PKNOX2: variants seen among roughly 807,000 people sequenced by gnomAD.
The protein encoded by PKNOX2 is homeobox protein PKNOX2.
PKNOX2 carries 14 observed loss-of-function variants against 53.1 expected under a neutral mutation model. The ratio of observed to expected loss-of-function variants is 0.26; its 90% CI spans 0.17 to 0.41. PKNOX2 has a LOEUF of 0.41. Among genes scored for constraint, PKNOX2 ranks in the 10% least tolerant of loss-of-function variants. The pLI is 1.00. For synonymous variants in PKNOX2, 257 were observed against 242.8 expected (o/e 1.06, Z -0.54); for missense variants, 496 against 602.8 (o/e 0.82, Z 1.85).
intron 1 of PKNOX2, among the ~76,000 whole-genome samples, chr11:125,192,108 G>C (rs1454822741): frequency 6.6e-6 from 1 of 152,128 alleles, no homozygotes; most frequent in Non-Finnish European, 1.5e-5. Context: ...TTGCGGCAGG[G>C]GGAGGGCTGA....
Position 125,274,903 on chromosome 11 carries a change from G to A in PKNOX2, c.-130+39788G>A, listed in dbSNP as rs1181021732. Among the ~76,000 whole-genome samples the A allele has an allele frequency of 5.9e-5, 9 of 152,334 alleles. No homozygotes were observed. In the East Asian group the frequency reaches 1.5e-3, roughly 26 times the overall value. On this transcript the variant is annotated intron_variant, in intron 2 of 12. Coordinates refer to ENST00000298282, the MANE Select transcript of PKNOX2 (RefSeq NM_001382323.2). ...TGCTGATTATGAGCCTGGTGTGGCA[G>A]CAGGCCCAGTCCCGGGGTGCAGAGA... is the stretch of plus-strand genomic sequence containing the variant.
rs577161815 is a variant in PKNOX2 at position 125,275,776 on chromosome 11, C to T, written c.-130+40661C>T. Among the ~76,000 whole-genome samples the T allele has an allele frequency of 1.1e-4, 17 of 152,276 alleles. No homozygotes were observed. In the South Asian group the frequency reaches 3.5e-3, roughly 32 times the overall value. On this transcript the variant is annotated intron_variant, in intron 2 of 12. Coordinates refer to ENST00000298282, the MANE Select transcript of PKNOX2 (RefSeq NM_001382323.2). ...GAAATTAAGAGATCTGTTTTGAATA[C>T]GCCAAGCTCAGGATGCCTTTGAGAC...
chr11:125,203,890 T>C (rs926894673), intron 1 of PKNOX2, among the ~76,000 whole-genome samples: 1 of 152,148 alleles, frequency 6.6e-6, no homozygotes, highest in Non-Finnish European at 1.5e-5. Context: ...GGGAGTCTTG[T>C]GTTAGCTCAT....
In PKNOX2 at chr11:125,431,195, C is replaced by T. The variant is rs781166572; in HGVS notation, c.1222C>T (p.Leu408=). ...GSINLDNLQS[L]SSDSATMAMQ... ...CATCAACTTGGACAACCTGCAGTCC[C>T]TGTCCTCAGACAGTGCCACCATGGC... The change falls in exon 13 of 13, where the codon CTG becomes TTG. Residue 408 remains leucine, a synonymous_variant. Transcript: ENST00000298282. 1.2e-5 allele frequency: 19 copies of T among 1,613,650 alleles called. No homozygotes were observed. In the East Asian group the frequency reaches 3.8e-4, roughly 32 times the overall value.
At chr11:125,266,545 T>G (rs1316314557) in intron 2 of PKNOX2, 1 of 152,200 alleles carries the variant, frequency 6.6e-6, no homozygotes, top group Non-Finnish European at 1.5e-5. Flanking sequence ...GAAAATAACT[T>G]TTTAAAAATA....
intron 3 of PKNOX2, among the ~76,000 whole-genome samples, chr11:125,336,413 A>G (rs1950433074): frequency 1.3e-5 from 2 of 151,720 alleles, no homozygotes; most frequent in Non-Finnish European, 2.9e-5. Context: ...CTTCCCCTCC[A>G]ATTTGTATTA....
chr11:125,212,292 G>A (rs1051680262), intron 1 of PKNOX2, among the ~76,000 whole-genome samples: 1 of 151,992 alleles, frequency 6.6e-6, no homozygotes, highest in African/African-American at 2.4e-5. Context: ...TTCTGGAGCT[G>A]GTAATGGTGG....
At chr11:125,233,420 C>T (rs1303741219) in intron 1 of PKNOX2, among the ~76,000 whole-genome samples, 1 of 152,174 alleles carries the variant, frequency 6.6e-6, no homozygotes, top group Non-Finnish European at 1.5e-5. Context: ...CCATTGCCAG[C>T]CAAGGGTTGG....
intron 1 of PKNOX2, among the ~76,000 whole-genome samples, chr11:125,186,245 G>A (rs1025775415): frequency 2.0e-4 from 31 of 152,092 alleles, no homozygotes; most frequent in African/African-American, 7.2e-4. Flanking sequence ...GGTTGTTTAT[G>A]TTTTTGTTGT....
chr11:125,316,390 T>A (rs1012564900), intron 2 of PKNOX2, among the ~76,000 whole-genome samples: 1 of 152,192 alleles, frequency 6.6e-6, no homozygotes, highest in Non-Finnish European at 1.5e-5. Flanking sequence ...AAAGAGGAAT[T>A]TAATCCCTAG....
At position 125,370,994 on chromosome 11, in the gene PKNOX2, G is replaced by A. The variant is rs1044505807; in HGVS notation, c.227+3009G>A. Among the ~76,000 whole-genome samples, 1 of 152,318 alleles carries A rather than the reference G, an allele frequency of 6.6e-6. No individual in the cohort carries two copies. The highest frequency in any genetic ancestry group is 1.5e-5 in the Non-Finnish European group (1 of 68,030). On this transcript the variant is annotated intron_variant, in intron 5 of 12. Transcript: ENST00000298282. The surrounding 1 kb of genome is among the most constrained non-coding windows in gnomAD (Gnocchi z 4.1). ...TAGGACACTGCTCGGTGGCAGAGGG[G>A]CAGTGTGACAAAGGGGAGGGAGCCT...
At chr11:125,164,816 AGGCGGCGGCGGCGGCGC>A (rs933530463) in intron 1 of PKNOX2, 40 bp downstream of exon 1, 10 of 179,196 alleles carry the variant, frequency 5.6e-5, no homozygotes, top group Admixed American at 1.9e-4. Context: ...ACGCTTTTGC[AGGCGGCGGCGGCGGCGC>A]GGCGGCGGCT....
chr11:125,390,638 G>A (rs1953993402), intron 6 of PKNOX2, among the ~76,000 whole-genome samples: 1 of 152,222 alleles, frequency 6.6e-6, no homozygotes, highest in Admixed American at 6.5e-5. Context: ...TGAAGTAGTT[G>A]TTATTATCCC....
intron 2 of PKNOX2, among the ~76,000 whole-genome samples, chr11:125,325,704 T>C (rs2136083861): frequency 6.6e-6 from 1 of 152,292 alleles, no homozygotes; most frequent in African/African-American, 2.4e-5. Flanking sequence ...CCAGGAAGCA[T>C]CCTGTGAGTT....
rs77927385 is a variant in PKNOX2 at position 125,326,236 on chromosome 11, C to A, written c.-129-5583C>A. On this transcript the variant is annotated intron_variant, in intron 2 of 12. Transcript: ENST00000298282. ...AGGGTCAGTAATAGGGTGAGGAGGG[C>A]AAGAGGCTGAGTTCATTCGGCTGCA... is the stretch of plus-strand genomic sequence containing the variant. 3.5e-4 allele frequency among the ~76,000 whole-genome samples: 54 copies of A among 152,274 alleles called. No homozygotes were observed. The East Asian group carries it at 9.1e-3, about 26-fold the overall frequency.
At chr11:125,398,173 G>T in intron 7 of PKNOX2, 111 bp downstream of exon 7, 1 of 1,174,634 alleles carries the variant, frequency 8.5e-7, no homozygotes, top group Non-Finnish European at 1.2e-6. Context: ...GACCCACTGG[G>T]TTCCTTTGCC....
At chr11:125,215,744 T>A (rs1940425196) in intron 1 of PKNOX2, among the ~76,000 whole-genome samples, 1 of 152,136 alleles carries the variant, frequency 6.6e-6, no homozygotes, top group African/African-American at 2.4e-5. Context: ...AGAGCGAGAC[T>A]CTGTCTCAAA....
intron 2 of PKNOX2, among the ~76,000 whole-genome samples, chr11:125,235,889 T>A (rs938044282): frequency 1.3e-5 from 2 of 152,162 alleles, no homozygotes; most frequent in Non-Finnish European, 2.9e-5. Flanking sequence ...TACTTCTCAG[T>A]CTGCCCACTG....
chr11:125,425,574 GCC>G, intron 10 of PKNOX2, among the ~76,000 whole-genome samples: 1 of 150,310 alleles, frequency 6.7e-6, no homozygotes, highest in East Asian at 2.0e-4. Context: ...TCAGAGAGCA[GCC>G]ACTGTGCCTT....
Sources: allele counts gnomAD v4.1 joint callset (sites outside exome capture counted in the v4.1 genomes callset), GRCh38; gene constraint gnomAD v4.1.1; non-coding constraint Gnocchi (gnomAD v3.1); transcripts MANE v1.5; gene names NCBI Gene and HGNC (gene_info 2026-07-23, HGNC 2026-07-21).